The following SDK1 variants were observed in gnomAD, a reference collection of about 807,000 sequenced individuals.
SDK1 encodes sidekick cell adhesion molecule 1.
Under a neutral mutation model 245.5 loss-of-function variants are expected in SDK1, and 157 were observed. That is an observed-to-expected ratio of 0.64 (90% CI 0.56 to 0.73). The LOEUF (loss-of-function observed/expected upper bound fraction) is 0.73. Ranked by LOEUF, SDK1 falls within the 30% of genes least tolerant of loss-of-function variation. The pLI is 0.00. For synonymous variants in SDK1, 1,647 were observed against 1,278.5 expected, an observed-to-expected ratio of 1.29 and a Z score of -6.15; for missense variants, 3,583 against 3,002.3, an observed-to-expected ratio of 1.19 and a Z score of -4.52.
rs537224512 is a variant in SDK1 at position 3,811,255 on chromosome 7, C to T, written c.714-10195C>T. 4.6e-5 allele frequency among the ~76,000 whole-genome samples: 7 copies of T among 152,258 alleles called. No individual in the cohort carries two copies. The South Asian group carries it at 6.2e-4, about 14-fold the overall frequency. Reference sequence around the variant, plus strand: ...AGTGATGAGCCTGTGGGAGTAAAATCGGGGCCAGATCCAGTTCCACTTCTC... The same window carrying T: ...AGTGATGAGCCTGTGGGAGTAAAATTGGGGCCAGATCCAGTTCCACTTCTC... On this transcript the variant is annotated intron_variant, in intron 4 of 44. Coordinates refer to ENST00000404826, the MANE Select transcript of SDK1 (RefSeq NM_152744.4).
At chr7:3,335,509 G>A (rs1780178064) in intron 1 of SDK1, among the ~76,000 whole-genome samples, 1 of 151,316 alleles carries the variant, frequency 6.6e-6, no homozygotes, top group African/African-American at 2.4e-5. Context: ...TCTTCACCTG[G>A]TACATAGTAG....
intron 1 of SDK1, among the ~76,000 whole-genome samples, chr7:3,303,475 T>C (rs549408421): frequency 3.9e-5 from 6 of 152,246 alleles, no homozygotes; most frequent in Non-Finnish European, 7.3e-5. Flanking sequence ...CAAGTTTTTA[T>C]CAGTTGCACT....
intron 1 of SDK1, among the ~76,000 whole-genome samples, chr7:3,512,900 T>G (rs7787559): frequency 0.29 from 43,333 of 151,946 alleles, 6,521 homozygotes; most frequent in East Asian, 0.34. Context: ...TATAATGAGA[T>G]TTGACATTCA....
At chr7:4,142,925 C>A (rs1265482236) in intron 28 of SDK1, among the ~76,000 whole-genome samples, 4 of 152,176 alleles carry the variant, frequency 2.6e-5, no homozygotes, top group South Asian at 2.1e-4. Flanking sequence ...GATGCTTTTT[C>A]CAGGCAGAAC....
intron 4 of SDK1, among the ~76,000 whole-genome samples, chr7:3,647,439 T>G (rs1478627741): frequency 6.6e-6 from 1 of 152,074 alleles, no homozygotes; most frequent in African/African-American, 2.4e-5. Flanking sequence ...TTTTGAAAGT[T>G]GGAGACAGTC....
intron 1 of SDK1, among the ~76,000 whole-genome samples, chr7:3,421,833 C>T (rs1779543991): frequency 1.3e-5 from 2 of 152,158 alleles, no homozygotes; most frequent in South Asian, 2.1e-4. Flanking sequence ...AGAGCTGCTG[C>T]CAGGGCTGCT....
Position 4,110,675 on chromosome 7 carries a change from G to T in SDK1, c.3337G>T (p.Gly1113Cys). ...WIVEGQVGAI[G>C]DEEEWVTLYE... is the part of the protein sequence containing the mutation. The stretch of plus-strand genomic sequence containing the variant: ...TCCCTCTGCACAGGTGGGAGCTATC[G>T]GCGACGAGGAGGAGTGGGTCACCCT... The change falls in exon 23 of 45, where the codon GGC becomes TGC. Residue 1113 changes from glycine to cysteine, a missense_variant. Coordinates refer to ENST00000404826, the MANE Select transcript of SDK1 (RefSeq NM_152744.4). The T allele has an allele frequency of 6.2e-7, 1 of 1,612,960 alleles. No individual in the cohort carries two copies.
intron 1 of SDK1, among the ~76,000 whole-genome samples, chr7:3,489,743 T>C (rs1583938859): frequency 6.6e-6 from 1 of 152,218 alleles, no homozygotes; most frequent in Admixed American, 6.5e-5. Context: ...AAATAATTGG[T>C]TTAACAGCAT....
intron 5 of SDK1, among the ~76,000 whole-genome samples, chr7:3,920,636 C>G (rs1779552930): frequency 1.3e-5 from 2 of 152,224 alleles, no homozygotes; most frequent in African/African-American, 4.8e-5. Context: ...TATCCGGAGG[C>G]AAGGCGGCAC....
rs1406082577 is a variant in SDK1 at position 4,115,654 on chromosome 7, G to C, written c.3823+1380G>C. Among the ~76,000 whole-genome samples, 5 of 152,138 alleles carry C rather than the reference G, an allele frequency of 3.3e-5. No homozygotes were observed. In the East Asian group the frequency reaches 9.7e-4, roughly 29 times the overall value. Reference sequence around the variant, plus strand: ...GCACAGAATCGCTCTTGAAGCTGGGGAGTCAAGAGATGGCCAGGGCCTGCC... The same window carrying C: ...GCACAGAATCGCTCTTGAAGCTGGGCAGTCAAGAGATGGCCAGGGCCTGCC... On this transcript the variant is annotated intron_variant, in intron 25 of 44. Transcript: ENST00000404826.
intron 1 of SDK1, among the ~76,000 whole-genome samples, chr7:3,481,455 C>T (rs373215995): frequency 1.1e-4 from 16 of 152,230 alleles, no homozygotes; most frequent in South Asian, 4.1e-4. Flanking sequence ...GCCCTCTACA[C>T]GCTGTTCTGT....
chr7:3,600,241 G>T lies in SDK1; in HGVS notation c.299-18839G>T, dbSNP rs181365993. Among the ~76,000 whole-genome samples the T allele has an allele frequency of 2.6e-5, 4 of 152,292 alleles. No homozygotes were observed. The East Asian group carries it at 7.7e-4, about 29-fold the overall frequency. On this transcript the variant is annotated intron_variant, in intron 1 of 44. Coordinates refer to ENST00000404826, the MANE Select transcript of SDK1 (RefSeq NM_152744.4). ...CTAAATGTTCATCGTTTATAGAAAT[G>T]TGATTGATTTTGTGTGTTGATCTTG...
chr7:3,572,996 C>G (rs1355135890), intron 1 of SDK1, among the ~76,000 whole-genome samples: 1 of 151,962 alleles, frequency 6.6e-6, no homozygotes, highest in Non-Finnish European at 1.5e-5. Context: ...CTGGGGTGAC[C>G]ACCCAAAAGT....
At chr7:4,033,560 G>A (rs1387621046) in intron 17 of SDK1, among the ~76,000 whole-genome samples, 3 of 152,274 alleles carry the variant, frequency 2.0e-5, no homozygotes, top group African/African-American at 7.2e-5. Flanking sequence ...GGAAATCTTT[G>A]CAGTTTATAT....
intron 1 of SDK1, among the ~76,000 whole-genome samples, chr7:3,576,701 A>G (rs929954726): frequency 8.6e-5 from 13 of 151,994 alleles, no homozygotes; most frequent in African/African-American, 3.1e-4. Context: ...ATGTGGCTGC[A>G]TTTTGCCTGT....
At chr7:3,557,534 G>T (rs1027881903) in intron 1 of SDK1, among the ~76,000 whole-genome samples, 1 of 152,186 alleles carries the variant, frequency 6.6e-6, no homozygotes, top group Non-Finnish European at 1.5e-5. Context: ...ACCCACACAT[G>T]TGCTAACATT....
At chr7:4,182,487 C>G (rs961202582) in intron 35 of SDK1, among the ~76,000 whole-genome samples, 1 of 152,204 alleles carries the variant, frequency 6.6e-6, no homozygotes, top group South Asian at 2.1e-4. Flanking sequence ...AGGAGAGCAG[C>G]TGGGGAAACC....
intron 42 of SDK1, 137 bp downstream of exon 42, chr7:4,237,921 A>T: frequency 9.3e-7 from 1 of 1,076,734 alleles, no homozygotes; most frequent in South Asian, 1.6e-5. Flanking sequence ...GAAATGCAAT[A>T]GGTTTTCTTT....
At chr7:3,690,742 G>C (rs1214052932) in intron 4 of SDK1, among the ~76,000 whole-genome samples, 2 of 152,098 alleles carry the variant, frequency 1.3e-5, no homozygotes, top group Non-Finnish European at 1.5e-5. Context: ...TTTTCAAGTT[G>C]ATTATAACTC....
Sources: allele counts gnomAD v4.1 joint callset (sites outside exome capture counted in the v4.1 genomes callset), GRCh38; gene constraint gnomAD v4.1.1; transcripts MANE v1.5; gene names NCBI Gene and HGNC (gene_info 2026-07-23, HGNC 2026-07-21).